The following RBFOX3 variants were observed in gnomAD, a reference collection of about 807,000 sequenced individuals.
The protein encoded by RBFOX3 is RNA binding fox-1 homolog 3.
RBFOX3 carries 17 observed loss-of-function variants against 48.7 expected under a neutral mutation model. The observed-to-expected ratio is 0.35, with a 90% CI of 0.24 to 0.52. The LOEUF is 0.52. Ranked by LOEUF, RBFOX3 falls within the 20% of genes least tolerant of loss-of-function variation. The probability of loss-of-function intolerance (pLI) is 0.94; values close to 1 mark genes in which losing one functional copy is unlikely to be tolerated. For missense variants in RBFOX3, 382 were observed against 497.5 expected (o/e 0.77, Z 2.21); for synonymous variants, 212 against 209.5 (o/e 1.01, Z -0.10).
chr17:79,215,920 C>T (rs970869444), intron 4 of RBFOX3, among the ~76,000 whole-genome samples: 4 of 152,262 alleles, frequency 2.6e-5, no homozygotes, highest in African/African-American at 4.8e-5. Flanking sequence ...ATTTGGACGT[C>T]GTCCTGAGGG....
In RBFOX3 at chr17:79,523,287, C is replaced by A. The variant is rs971248484; in HGVS notation, c.-319-40689G>T. Among the ~76,000 whole-genome samples, 19 of 152,096 alleles carry A rather than the reference C, an allele frequency of 1.2e-4. 1 individual carries two copies. Among genetic ancestry groups the A allele is most frequent in the Admixed American group, 9.2e-4 (14 of 15,268 alleles). On this transcript the variant is annotated intron_variant, in intron 1 of 14. Coordinates refer to ENST00000693108, the MANE Select transcript of RBFOX3 (RefSeq NM_001350451.2). Reference sequence around the variant, plus strand: ...ACCACTGACTTCTAAACGGTTACGACGGCAAATTTTATGTGATGTATATTT... The same window carrying A: ...ACCACTGACTTCTAAACGGTTACGAAGGCAAATTTTATGTGATGTATATTT...
the RBFOX3 span, among the ~76,000 whole-genome samples, chr17:79,645,923 G>C: frequency 2.0e-5 from 3 of 152,098 alleles, no homozygotes; most frequent in Non-Finnish European, 4.4e-5. Flanking sequence ...GCAATAATTC[G>C]ACATCCTTGA....
intron 2 of RBFOX3, among the ~76,000 whole-genome samples, chr17:79,422,685 G>A (rs371083309): frequency 1.3e-4 from 9 of 69,934 alleles, no homozygotes; most frequent in South Asian, 8.0e-4. Flanking sequence ...GCGGGAACCC[G>A]GGGTGCACCC....
intron 4 of RBFOX3, among the ~76,000 whole-genome samples, chr17:79,192,272 G>A (rs540609060): frequency 1.5e-4 from 23 of 152,166 alleles, no homozygotes; most frequent in Admixed American, 1.4e-3. Flanking sequence ...GCTCTTAGCC[G>A]CTCCCGGCCT....
intron 14 of RBFOX3, chr17:79,092,266 CTCCTGGCCCA>C: frequency 1.0e-6 from 1 of 985,524 alleles, no homozygotes; most frequent in Non-Finnish European, 1.2e-6. Flanking sequence ...GCTGCCTGGT[CTCCTGGCCCA>C]GCCTGGACCC....
chr17:79,404,741 G>A (rs2063327090), intron 2 of RBFOX3, among the ~76,000 whole-genome samples: 2 of 152,246 alleles, frequency 1.3e-5, no homozygotes, highest in Admixed American at 6.5e-5. Context: ...ATGGCTCCCT[G>A]TGGCCTGGTA....
intron 2 of RBFOX3, among the ~76,000 whole-genome samples, chr17:79,440,796 C>T (rs1379754874): frequency 1.3e-5 from 2 of 152,138 alleles, no homozygotes; most frequent in South Asian, 2.1e-4. Context: ...CCCCCTGCAC[C>T]CCCTCATCAG....
chr17:79,441,236 T>G (rs2070845768), intron 2 of RBFOX3, among the ~76,000 whole-genome samples: 1 of 152,178 alleles, frequency 6.6e-6, no homozygotes, highest in African/African-American at 2.4e-5. Flanking sequence ...TGGGCCAGGC[T>G]CTAGGCCAGG....
chr17:79,554,597 C>A (rs1343662686), intron 1 of RBFOX3, among the ~76,000 whole-genome samples: 1 of 152,276 alleles, frequency 6.6e-6, no homozygotes, highest in Non-Finnish European at 1.5e-5. Flanking sequence ...CCTTCCCCAG[C>A]AGGCTGGGCT....
At chr17:79,287,360 A>G (rs1228216666) in intron 3 of RBFOX3, among the ~76,000 whole-genome samples, 1 of 152,014 alleles carries the variant, frequency 6.6e-6, no homozygotes, top group Non-Finnish European at 1.5e-5. Context: ...CTGTGCAAAG[A>G]GGGAGGGAAA....
rs113654996 is a variant in RBFOX3, at chr17:79,198,279, C to T, written c.-34+37487G>A. On this transcript the variant is annotated intron_variant, in intron 4 of 14. Coordinates refer to ENST00000693108, the MANE Select transcript of RBFOX3 (RefSeq NM_001350451.2). The surrounding 1 kb of genome is among the most constrained non-coding windows in gnomAD (Gnocchi z 8.2). ...GCCCTCTGCCCTCGCCCCTGCCCTG[C>T]ACCTCTCCATCCCACATGAGGCGAC... 2.1e-4 allele frequency among the ~76,000 whole-genome samples: 32 copies of T among 152,328 alleles called. No homozygotes were observed. Among genetic ancestry groups the T allele is most frequent in the African/African-American group, 7.5e-4 (31 of 41,564 alleles).
At chr17:79,441,504 G>A (rs1421382753) in intron 2 of RBFOX3, among the ~76,000 whole-genome samples, 2 of 152,314 alleles carry the variant, frequency 1.3e-5, no homozygotes, top group South Asian at 2.1e-4. Context: ...TTGGAGAGAC[G>A]CTGCCTTGAG....
At chr17:79,597,044 A>T (rs1277218571) in intron 1 of RBFOX3, among the ~76,000 whole-genome samples, 2 of 152,130 alleles carry the variant, frequency 1.3e-5, no homozygotes, top group Non-Finnish European at 2.9e-5. Flanking sequence ...CCCCTGGCCG[A>T]GGCCTCCCTC....
upstream of RBFOX3, among the ~76,000 whole-genome samples, chr17:79,611,130 T>TTCTCTCTCTCTCTCTCTC: frequency 1.1e-3 from 41 of 37,802 alleles, 7 homozygotes; most frequent in African/African-American, 5.1e-3. Context: ...TCCGCCCTCC[T>TTCTCTCTCTCTCTCTCTC]TCTCTCTCTC....
chr17:79,275,582 C>T (rs1663835229), intron 3 of RBFOX3, among the ~76,000 whole-genome samples: 1 of 152,196 alleles, frequency 6.6e-6, no homozygotes, highest in African/African-American at 2.4e-5. Context: ...GAGGGCCCCT[C>T]CCCAATGGAC....
intron 3 of RBFOX3, among the ~76,000 whole-genome samples, chr17:79,283,427 C>T (rs1421089459): frequency 1.3e-5 from 2 of 152,050 alleles, no homozygotes; most frequent in African/African-American, 4.8e-5. Flanking sequence ...TGCCACCATG[C>T]CCAGCTAATT....
At chr17:79,412,452 G>C (rs1052708383) in intron 2 of RBFOX3, among the ~76,000 whole-genome samples, 8 of 151,876 alleles carry the variant, frequency 5.3e-5, no homozygotes, top group Admixed American at 3.9e-4. Flanking sequence ...ATGTGTGAGC[G>C]TATTGTGTAT....
At chr17:79,401,768 G>T (rs2062840857) in intron 2 of RBFOX3, among the ~76,000 whole-genome samples, 1 of 152,190 alleles carries the variant, frequency 6.6e-6, no homozygotes, top group Admixed American at 6.5e-5. Context: ...TTCACGGTCT[G>T]TACCCACTCA....
intron 1 of RBFOX3, among the ~76,000 whole-genome samples, chr17:79,549,538 A>C (rs1357668713): frequency 2.6e-5 from 4 of 152,380 alleles, no homozygotes; most frequent in African/African-American, 9.6e-5. Flanking sequence ...GGATCATAAC[A>C]ATGATTTGTG....
Sources: allele counts gnomAD v4.1 joint callset (sites outside exome capture counted in the v4.1 genomes callset), GRCh38; gene constraint gnomAD v4.1.1; non-coding constraint Gnocchi (gnomAD v3.1); transcripts MANE v1.5; gene names NCBI Gene and HGNC (gene_info 2026-07-23, HGNC 2026-07-21).